NDUFAF6: variants seen among roughly 807,000 people sequenced by gnomAD.
The protein encoded by NDUFAF6 is NADH:ubiquinone oxidoreductase complex assembly factor 6.
NDUFAF6 carries 45 observed loss-of-function variants against 40.8 expected under a neutral mutation model. That is an observed-to-expected ratio of 1.10 (90% confidence interval 0.87 to 1.42). The LOEUF (loss-of-function observed/expected upper bound fraction) is 1.42, where lower values mean the gene tolerates loss of function less well. Among genes scored for constraint, NDUFAF6 ranks in the 40% most tolerant of loss-of-function variants. The pLI is 0.00. For synonymous variants in NDUFAF6, 185 were observed against 155.9 expected, an observed-to-expected ratio of 1.19 and a Z score of -1.39; for missense variants, 435 against 418.5, an observed-to-expected ratio of 1.04 and a Z score of -0.34.
chr8:94,902,250 C>CTAAAAAACA (rs1554621642), intron 1 of NDUFAF6, among the ~76,000 whole-genome samples: 1 of 8,478 alleles, frequency 1.2e-4, no homozygotes, highest in African/African-American at 7.5e-4. Flanking sequence ...GAAACTCTAT[C>CTAAAAAACA]AAAAAAACAA....
chr8:95,045,124 C>G (rs1830586571), intron 4 of NDUFAF6, among the ~76,000 whole-genome samples: 1 of 152,104 alleles, frequency 6.6e-6, no homozygotes, highest in Non-Finnish European at 1.5e-5. Flanking sequence ...TGTGTCCATG[C>G]CTCAGTTTCT....
chr8:94,951,898 C>T (rs1354281596), intron 2 of NDUFAF6, among the ~76,000 whole-genome samples: 2 of 152,244 alleles, frequency 1.3e-5, no homozygotes, highest in African/African-American at 4.8e-5. Flanking sequence ...CACAACCAAA[C>T]TGTCAAATTA....
chr8:94,936,420 G>A lies in NDUFAF6; in HGVS notation c.-935-9063G>A, dbSNP rs186888188. 2.3e-3 allele frequency among the ~76,000 whole-genome samples: 350 copies of A among 152,314 alleles called. 5 individuals are homozygous for A. Among genetic ancestry groups the A allele is most frequent in the Admixed American group, 0.021 (327 of 15,288 alleles). On this transcript the variant is annotated intron_variant, in intron 1 of 14. Transcript: ENST00000396113. ...TCCACACTGCCAATAGCTCTCAACTGACTGACAAAGAGCTGCTTGGTTGTG... is the reference window on the plus strand; with the variant it reads ...TCCACACTGCCAATAGCTCTCAACTAACTGACAAAGAGCTGCTTGGTTGTG...
At chr8:95,103,785 T>G (rs1809729999), downstream of NDUFAF6, among the ~76,000 whole-genome samples, 2 of 152,246 alleles carry the variant, frequency 1.3e-5, no homozygotes, top group Non-Finnish European at 1.5e-5. Flanking sequence ...CTATTCTTTC[T>G]TTCTTGGAGA....
chr8:95,083,865 C>CGTT (rs1808957392), intron 2 of NDUFAF6, among the ~76,000 whole-genome samples: 1 of 152,140 alleles, frequency 6.6e-6, no homozygotes, highest in Non-Finnish European at 1.5e-5. Flanking sequence ...TACCTACATT[C>CGTT]ATAAATAAAG....
intron 4 of NDUFAF6, among the ~76,000 whole-genome samples, chr8:95,108,530 A>G (rs555633406): frequency 1.4e-4 from 21 of 152,292 alleles, no homozygotes; most frequent in African/African-American, 4.1e-4. Context: ...AAAAAGTAGA[A>G]CAGTGCTTAC....
chr8:95,055,800 A>G (rs942704155), intron 8 of NDUFAF6, among the ~76,000 whole-genome samples: 1 of 152,218 alleles, frequency 6.6e-6, no homozygotes, highest in Non-Finnish European at 1.5e-5. Flanking sequence ...TTAAATGAAT[A>G]TATCTGTCTA....
chr8:95,031,669 G>T (rs1828858965), intron 1 of NDUFAF6, among the ~76,000 whole-genome samples: 1 of 152,024 alleles, frequency 6.6e-6, no homozygotes, highest in African/African-American at 2.4e-5. Flanking sequence ...GCGCAATCTG[G>T]GCTCACTGTG....
chr8:95,069,800 TATATATATATAAATATATATATATATA>T lies in NDUFAF6; in HGVS notation c.*512-5824_*512-5798del, dbSNP rs1328840601. Reference sequence around the variant, plus strand: ...CGCGTCAAAAAAAAAAAAAATTATATATATATATATAAATATATATATATATAATATATATGTATAATATTATTTTTT... The same window carrying T: ...CGCGTCAAAAAAAAAAAAAATTATATATATATATGTATAATATTATTTTTT... On this transcript the variant is annotated intron_variant and NMD_transcript_variant, in intron 9 of 9. Transcript: ENST00000520757. Among the ~76,000 whole-genome samples the T allele has an allele frequency of 4.8e-5, 7 of 144,904 alleles. No homozygotes were observed. In the South Asian group the frequency reaches 1.5e-3, roughly 31 times the overall value.
chr8:95,013,709 A>G (rs1827320486), intron 2 of NDUFAF6, among the ~76,000 whole-genome samples: 2 of 152,200 alleles, frequency 1.3e-5, no homozygotes, highest in Non-Finnish European at 2.9e-5. Context: ...GTAAAAACAT[A>G]AGTATATAAT....
intron 1 of NDUFAF6, chr8:94,975,200 TG>T (rs1179058026): frequency 6.6e-6 from 1 of 152,308 alleles, no homozygotes; most frequent in Admixed American, 6.5e-5. Flanking sequence ...CAGGTGTGGG[TG>T]GGTTGGAGGA....
chr8:95,045,794 A>G (rs1830680118), intron 5 of NDUFAF6, 147 bp downstream of exon 5: 1 of 633,270 alleles, frequency 1.6e-6, no homozygotes, highest in East Asian at 2.8e-5. Context: ...TGTTATTATT[A>G]TTAGCAAGAA....
intron 2 of NDUFAF6, among the ~76,000 whole-genome samples, chr8:95,008,014 G>A (rs1827076638): frequency 6.6e-6 from 1 of 152,162 alleles, no homozygotes; most frequent in South Asian, 2.1e-4. Context: ...ATGAGCCACT[G>A]CACCCAGCCT....
intron 5 of NDUFAF6, 97 bp from the exon 6 acceptor site, chr8:95,046,897 T>C: frequency 1.3e-6 from 2 of 1,527,722 alleles, no homozygotes; most frequent in Non-Finnish European, 1.8e-6. Context: ...AGGATAAATG[T>C]CTCCTTTTAC....
chr8:94,911,493 G>A (rs1343423889), intron 1 of NDUFAF6, among the ~76,000 whole-genome samples: 1 of 152,244 alleles, frequency 6.6e-6, no homozygotes, highest in Non-Finnish European at 1.5e-5. Context: ...CGCTTCTGGT[G>A]TGTGTTCTCT....
intron 9 of NDUFAF6, among the ~76,000 whole-genome samples, chr8:95,065,851 T>G (rs1157860068): frequency 6.6e-6 from 1 of 150,466 alleles, no homozygotes; most frequent in East Asian, 2.0e-4. Context: ...GCACCTTTTA[T>G]ATATTTAAAA....
At chr8:95,057,459 T>A (rs1390440753) in intron 8 of NDUFAF6, among the ~76,000 whole-genome samples, 2 of 152,210 alleles carry the variant, frequency 1.3e-5, no homozygotes, top group Non-Finnish European at 2.9e-5. Context: ...GGGGTGGGGA[T>A]GTTTCATTTT....
chr8:94,989,750 G>C (rs1051456950), intron 2 of NDUFAF6, among the ~76,000 whole-genome samples: 1 of 152,078 alleles, frequency 6.6e-6, no homozygotes, highest in Non-Finnish European at 1.5e-5. Flanking sequence ...TTCACGTGTT[G>C]CACATCACAA....
chr8:94,949,558 A>C (rs1822378185), intron 2 of NDUFAF6: 1 of 151,818 alleles, frequency 6.6e-6, no homozygotes, highest in Non-Finnish European at 1.5e-5. Flanking sequence ...AGCCCGGGCA[A>C]CAAAAACCGG....
Sources: allele counts gnomAD v4.1 joint callset (sites outside exome capture counted in the v4.1 genomes callset), GRCh38; gene constraint gnomAD v4.1.1; transcripts MANE v1.5; gene names NCBI Gene and HGNC (gene_info 2026-07-23, HGNC 2026-07-21).